Variants in SLC16A7 observed in about 807,000 individuals in gnomAD.
SLC16A7 encodes the protein monocarboxylate transporter 2.
SLC16A7 carries 33 observed loss-of-function variants against 34.9 expected under a neutral mutation model. The observed-to-expected ratio is 0.94, with a 90% CI of 0.72 to 1.26. The LOEUF is 1.26. Ranked by LOEUF, SLC16A7 falls within the 50% of genes most tolerant of loss-of-function variation. The probability of loss-of-function intolerance (pLI) is 0.00; values close to 1 mark genes in which losing one functional copy is unlikely to be tolerated. For missense variants in SLC16A7, 573 were observed against 578.1 expected, an observed-to-expected ratio of 0.99 and a Z score of 0.09; for synonymous variants, 201 against 206.6, an observed-to-expected ratio of 0.97 and a Z score of 0.23.
At chr12:59,673,429 C>T (rs748601955) in intron 2 of SLC16A7, among the ~76,000 whole-genome samples, 4 of 151,016 alleles carry the variant, frequency 2.6e-5, no homozygotes, top group African/African-American at 9.7e-5. Flanking sequence ...AGCCCTAACT[C>T]AGTAGGTAGG....
chr12:59,678,240 T>G (rs1016804498), intron 2 of SLC16A7, among the ~76,000 whole-genome samples: 1 of 152,216 alleles, frequency 6.6e-6, no homozygotes, highest in Non-Finnish European at 1.5e-5. Flanking sequence ...GTTTTAGCCC[T>G]GTTTGTGTTA....
In SLC16A7 at chr12:59,769,651, G is replaced by T. The variant is rs912123362; in HGVS notation, c.218-1568G>T. ...TGTGGAGTTAATAGTATTAGGCACT[G>T]AAGTTTAATTTTAAATTTTTTTGCA... On this transcript the variant is annotated intron_variant, in intron 3 of 5. Coordinates refer to ENST00000547379, the MANE Select transcript of SLC16A7 (RefSeq NM_001270623.2). Among the ~76,000 whole-genome samples the T allele has an allele frequency of 2.0e-5, 3 of 152,116 alleles. 1 individual carries two copies.
chr12:59,632,096 T>C (rs1880209755), intron 1 of SLC16A7, among the ~76,000 whole-genome samples: 1 of 151,928 alleles, frequency 6.6e-6, no homozygotes, highest in African/African-American at 2.4e-5. Flanking sequence ...TTTACATCTA[T>C]AGCTTAAAAG....
rs1347088998 is a variant in SLC16A7 at position 59,655,217 on chromosome 12, A to G, written c.-64A>G. 1 of 151,572 alleles carries G rather than the reference A, an allele frequency of 6.6e-6. No homozygotes were observed. The highest frequency in any genetic ancestry group is 1.5e-5 in the Non-Finnish European group (1 of 67,838). 9.4% of individuals were successfully genotyped at this position (151,572 alleles called of 1,614,324 possible). ...AACAAGGTGATCTGGGGAACCAAAG[A>G]CTCTGGGACTCTTGGTGCCAACAGA... is the stretch of plus-strand genomic sequence containing the variant. On this transcript the variant is annotated 5_prime_UTR_variant, in exon 2 of 6. Coordinates refer to ENST00000547379, the MANE Select transcript of SLC16A7 (RefSeq NM_001270623.2).
At chr12:59,724,046 G>A (rs892339974) in intron 3 of SLC16A7, among the ~76,000 whole-genome samples, 4 of 151,998 alleles carry the variant, frequency 2.6e-5, no homozygotes, top group Admixed American at 6.6e-5. Context: ...ATTGATATAT[G>A]TATAGTATAT....
chr12:59,637,354 A>G (rs1880474995), intron 1 of SLC16A7, among the ~76,000 whole-genome samples: 1 of 152,110 alleles, frequency 6.6e-6, no homozygotes. Context: ...TTTCTGCTAA[A>G]TATTTTAAAT....
At chr12:59,650,852 C>T (rs1868331441) in intron 1 of SLC16A7, among the ~76,000 whole-genome samples, 1 of 152,090 alleles carries the variant, frequency 6.6e-6, no homozygotes, top group South Asian at 2.1e-4. Context: ...CTTAAAAGCA[C>T]CACATCATAT....
chr12:59,599,538 G>C (rs2136953167), intron 1 of SLC16A7, among the ~76,000 whole-genome samples: 1 of 152,304 alleles, frequency 6.6e-6, no homozygotes, highest in African/African-American at 2.4e-5. Context: ...TAATGCAGGG[G>C]CACTGGATTT....
At chr12:59,600,866 A>G (rs566062093) in intron 1 of SLC16A7, among the ~76,000 whole-genome samples, 51 of 152,108 alleles carry the variant, frequency 3.4e-4, no homozygotes, top group African/African-American at 1.2e-3. Flanking sequence ...TAATACTAAA[A>G]CTCCCGCAAA....
At chr12:59,655,333 T>C (rs1868480939) in intron 2 of SLC16A7, 83 bp downstream of exon 2, 1 of 151,896 alleles carries the variant, frequency 6.6e-6, no homozygotes, top group African/African-American at 2.4e-5. Flanking sequence ...TAAATCTTAA[T>C]GTGAATGGTA....
intron 2 of SLC16A7, among the ~76,000 whole-genome samples, chr12:59,682,869 C>T (rs1183688363): frequency 6.6e-6 from 1 of 152,080 alleles, no homozygotes; most frequent in African/African-American, 2.4e-5. Context: ...GAGTTCGAGA[C>T]CAGCCTAACC....
chr12:59,713,906 C>G (rs767814470), intron 3 of SLC16A7, among the ~76,000 whole-genome samples: 34 of 152,228 alleles, frequency 2.2e-4, no homozygotes, highest in Non-Finnish European at 2.8e-4. Flanking sequence ...AGCGAGCCAA[C>G]AGACACAGGC....
At chr12:59,635,072 A>T (rs1389983200) in intron 1 of SLC16A7, among the ~76,000 whole-genome samples, 1 of 152,050 alleles carries the variant, frequency 6.6e-6, no homozygotes, top group Non-Finnish European at 1.5e-5. Context: ...CTAAGGCTAG[A>T]ATATTCTCTC....
chr12:59,632,495 A>G (rs531753944), intron 1 of SLC16A7, among the ~76,000 whole-genome samples: 46 of 152,010 alleles, frequency 3.0e-4, no homozygotes, highest in South Asian at 1.2e-3. Context: ...GGGGCACAAT[A>G]TTTAAGGAGG....
At chr12:59,730,523 G>C (rs1876828184) in intron 3 of SLC16A7, among the ~76,000 whole-genome samples, 1 of 151,722 alleles carries the variant, frequency 6.6e-6, no homozygotes, top group Non-Finnish European at 1.5e-5. Flanking sequence ...TATTGGTAAA[G>C]CAAATAATAA....
chr12:59,600,943 C>G (rs1339720895), intron 1 of SLC16A7, among the ~76,000 whole-genome samples: 1 of 152,156 alleles, frequency 6.6e-6, no homozygotes, highest in Non-Finnish European at 1.5e-5. Flanking sequence ...AACTGAACGA[C>G]AGCTACAAGA....
At chr12:59,766,756 C>T (rs1881684649) in intron 3 of SLC16A7, among the ~76,000 whole-genome samples, 1 of 152,132 alleles carries the variant, frequency 6.6e-6, no homozygotes, top group Admixed American at 6.6e-5. Flanking sequence ...AGGATTTTTG[C>T]ATCGATGTTC....
intron 1 of SLC16A7, among the ~76,000 whole-genome samples, chr12:59,637,215 T>C (rs1224911117): frequency 1.3e-5 from 2 of 152,112 alleles, no homozygotes; most frequent in African/African-American, 4.8e-5. Flanking sequence ...ATGTCACACA[T>C]ATTTAAATTT....
intron 5 of SLC16A7, among the ~76,000 whole-genome samples, chr12:59,776,889 G>A (rs781276297): frequency 2.6e-5 from 4 of 152,068 alleles, no homozygotes; most frequent in African/African-American, 7.2e-5. Flanking sequence ...TATTTATCAG[G>A]CAGTTGATTT....
Sources: allele counts gnomAD v4.1 joint callset (sites outside exome capture counted in the v4.1 genomes callset), GRCh38; gene constraint gnomAD v4.1.1; transcripts MANE v1.5; gene names NCBI Gene and HGNC (gene_info 2026-07-23, HGNC 2026-07-21).